Variants in COL4A4 observed in about 807,000 individuals in gnomAD.
The protein encoded by COL4A4 is collagen type IV alpha 4 chain.
In COL4A4, 105 loss-of-function variants were observed where a neutral mutation model predicts 192.9. The ratio of observed to expected loss-of-function variants is 0.54; its 90% CI spans 0.46 to 0.64. The LOEUF is 0.64. Among genes scored for constraint, COL4A4 ranks in the 30% least tolerant of loss-of-function variants. The pLI, the probability that COL4A4 is intolerant of heterozygous loss-of-function variation, is 0.00. For missense variants in COL4A4, 1,967 were observed against 2,169.3 expected, an observed-to-expected ratio of 0.91 and a Z score of 1.85; for synonymous variants, 762 against 769.9, an observed-to-expected ratio of 0.99 and a Z score of 0.17.
chr2:227,149,420 C>G (rs2063767710), intron 1 of COL4A4, among the ~76,000 whole-genome samples: 1 of 152,044 alleles, frequency 6.6e-6, no homozygotes, highest in African/African-American at 2.4e-5. Context: ...CCAGTAAAGC[C>G]CCTTCCTCAT....
chr2:227,060,240 G>A lies in COL4A4; in HGVS notation c.2060C>T (p.Pro687Leu), dbSNP rs776718481. ...GPPGFDGPPG[P>L]KGFPGPQGAP... is the part of the protein sequence containing the mutation. ...ACCTTGGGGACCTGGAAATCCCTTC[G>A]GACCTAAACAATAATAAAAACAAAA... Residue 687 changes from proline (P) to leucine (L), a missense_variant, in exon 27 of 48, where the codon CCG becomes CTG. By Grantham distance (98) the Pro-to-Leu change is moderately conservative. Coordinates refer to ENST00000396625, the MANE Select transcript of COL4A4 (RefSeq NM_000092.5). The A allele has an allele frequency of 1.4e-5, 22 of 1,607,948 alleles. No individual in the cohort carries two copies. In the African/African-American group the frequency reaches 1.5e-4, roughly 11 times the overall value.
At position 227,057,567 on chromosome 2, in the gene COL4A4, T is replaced by C; in HGVS notation, c.2417A>G (p.Lys806Arg). 2 of 1,614,094 alleles carry C rather than the reference T, an allele frequency of 1.2e-6. No individual in the cohort carries two copies. The highest frequency in any genetic ancestry group is 1.7e-6 in the Non-Finnish European group (2 of 1,180,004). The change falls in exon 29 of 48, where the codon AAA becomes AGA. Residue 806 changes from lysine (K) to arginine (R), a missense_variant. Transcript: ENST00000396625. ...ATGTCCCTCTCTGCCTTTGGGACCT[T>C]TGAGACCTAGGAATCCAGGAATGCC... is the stretch of plus-strand genomic sequence containing the variant. ...PAGIPGFLGL[K>R]GPKGREGHAG... is the part of the protein sequence containing the mutation.
chr2:227,055,824 G>A, intron 30 of COL4A4, 121 bp downstream of exon 30: 1 of 885,362 alleles, frequency 1.1e-6, no homozygotes, highest in African/African-American at 1.7e-5. Context: ...GCATCATTAA[G>A]GGAAGGACAA....
intron 10 of COL4A4, 132 bp from the exon 11 acceptor site, chr2:227,109,000 T>C (rs1030306140): frequency 1.0e-6 from 1 of 996,414 alleles, no homozygotes; most frequent in Admixed American, 1.7e-5. Flanking sequence ...ATGGAGTTTC[T>C]ATCATGGATG....
At chr2:227,001,600 A>C (rs1204800209), downstream of COL4A4, among the ~76,000 whole-genome samples, 1 of 152,194 alleles carries the variant, frequency 6.6e-6, no homozygotes, top group African/African-American at 2.4e-5. Flanking sequence ...GAGGTAATGG[A>C]GTAAAGGATA....
In COL4A4 at chr2:227,007,329, C is replaced by A; in HGVS notation, c.5069G>T (p.Ser1690Ile). 6.2e-7 allele frequency: 1 copy of A among 1,614,220 alleles called. No individual in the cohort carries two copies. The highest frequency in any genetic ancestry group is 8.5e-7 in the Non-Finnish European group (1 of 1,180,040). The change falls in exon 48 of 48, where the codon AGC (serine) becomes ATC (isoleucine). Residue 1690 changes from serine to isoleucine, a missense_variant. Ser to Ile is a moderately radical substitution (Grantham distance 142). Transcript: ENST00000396625. ...TGTTGGTGAATTTCGCATTCTCTAG[C>A]TATACTTCACGCAGACCTGGCACCG... ...ISRCQVCVKY[S>I]
Position 227,050,895 on chromosome 2 carries a change from T to C in COL4A4, c.3150+82A>G, listed in dbSNP as rs1973957293. On this transcript the variant is annotated intron_variant, in intron 33 of 47. Coordinates refer to ENST00000396625, the MANE Select transcript of COL4A4 (RefSeq NM_000092.5). The stretch of plus-strand genomic sequence containing the variant: ...AGTGAAAGGGCAATGGTATATACGC[T>C]GGCAAATTATAGCTCCTTACGGACA... 3.9e-6 allele frequency: 6 copies of C among 1,547,380 alleles called. 1 individual carries two copies. The highest frequency in any genetic ancestry group is 1.8e-4 in the Middle Eastern group (1 of 5,614).
intron 24 of COL4A4, among the ~76,000 whole-genome samples, chr2:227,079,876 C>G (rs2059226236): frequency 6.6e-6 from 1 of 152,160 alleles, no homozygotes; most frequent in Non-Finnish European, 1.5e-5. Flanking sequence ...ATCGGATCAT[C>G]TCATCCTCTT....
At chr2:227,147,913 T>C (rs960009686) in intron 1 of COL4A4, among the ~76,000 whole-genome samples, 5 of 151,422 alleles carry the variant, frequency 3.3e-5, no homozygotes, top group Admixed American at 6.6e-5. Context: ...TTCTTCTGTT[T>C]AATTTTTTCC....
intron 2 of COL4A4, among the ~76,000 whole-genome samples, chr2:227,144,818 C>G (rs2063441541): frequency 6.6e-6 from 1 of 152,038 alleles, no homozygotes; most frequent in African/African-American, 2.4e-5. Context: ...CCGTGAGGAC[C>G]CTCTGAAAGT....
chr2:227,088,935 G>A, intron 21 of COL4A4, 119 bp from the exon 22 acceptor site: 2 of 1,208,348 alleles, frequency 1.7e-6, no homozygotes, highest in Non-Finnish European at 2.4e-6. Context: ...TGCACTTCTT[G>A]CAGACAATTG....
At chr2:227,061,571 T>C (rs1394557715) in intron 26 of COL4A4, among the ~76,000 whole-genome samples, 1 of 152,204 alleles carries the variant, frequency 6.6e-6, no homozygotes, top group Non-Finnish European at 1.5e-5. Flanking sequence ...ACCCATAAGA[T>C]AGAAAATAAG....
rs750034156 is a variant in COL4A4 at position 227,060,215 on chromosome 2, A to C, written c.2085T>G (p.Gly695=). 6.2e-7 allele frequency: 1 copy of C among 1,609,160 alleles called. No individual in the cohort carries two copies. Among genetic ancestry groups the C allele is most frequent in the Non-Finnish European group, 8.5e-7 (1 of 1,178,014 alleles). The stretch of plus-strand genomic sequence containing the variant: ...CATCTGAACCACTCAGCCCAGGGGC[A>C]CCTTGGGGACCTGGAAATCCCTTCG... ...PGPKGFPGPQ[G]APGLSGSDGH... The change falls in exon 27 of 48, where the codon GGT becomes GGG. Residue 695 remains glycine (G), a synonymous_variant. Coordinates refer to ENST00000396625, the MANE Select transcript of COL4A4 (RefSeq NM_000092.5).
At chr2:227,062,069 C>G (rs1013536049) in intron 26 of COL4A4, among the ~76,000 whole-genome samples, 3 of 152,026 alleles carry the variant, frequency 2.0e-5, no homozygotes, top group African/African-American at 7.3e-5. Flanking sequence ...GAAACCCTGT[C>G]TCTACTAAAA....
chr2:227,082,824 A>T (rs1395314931), intron 22 of COL4A4, among the ~76,000 whole-genome samples: 1 of 152,216 alleles, frequency 6.6e-6, no homozygotes, highest in Non-Finnish European at 1.5e-5. Context: ...TAAATAGCTA[A>T]TTTTGGCTGA....
At chr2:227,018,404 T>C (rs1276995978) in intron 44 of COL4A4, among the ~76,000 whole-genome samples, 5 of 152,172 alleles carry the variant, frequency 3.3e-5, no homozygotes, top group African/African-American at 4.8e-5. Flanking sequence ...CCTTAGAATA[T>C]ACCTGTCACT....
chr2:227,045,941 ATG>A (rs1173431760), intron 35 of COL4A4, among the ~76,000 whole-genome samples: 1 of 36,652 alleles, frequency 2.7e-5, no homozygotes, highest in Non-Finnish European at 5.3e-5. Flanking sequence ...ATATGTATAT[ATG>A]TATATATGTA....
chr2:227,107,533 C>T (rs2060921011), intron 12 of COL4A4, among the ~76,000 whole-genome samples: 1 of 152,136 alleles, frequency 6.6e-6, no homozygotes, highest in South Asian at 2.1e-4. Context: ...GACTCCTGTG[C>T]CGTTCTGTTA....
At chr2:227,122,666 T>C (rs1188293041) in intron 4 of COL4A4, among the ~76,000 whole-genome samples, 1 of 152,188 alleles carries the variant, frequency 6.6e-6, no homozygotes, top group African/African-American at 2.4e-5. Context: ...GGAAGTGTTC[T>C]GCTAGGCAGC....
Sources: gnomAD v4.1 joint callset for allele counts (sites outside exome capture counted in the v4.1 genomes callset) on GRCh38, gnomAD v4.1.1 for gene constraint, MANE v1.5 for transcripts, NCBI Gene and HGNC (gene_info 2026-07-23, HGNC 2026-07-21) for gene names.